The following HNRNPU variants were observed in gnomAD, a reference collection of about 807,000 sequenced individuals.
HNRNPU encodes the protein HNRNPU antisense RNA 1.
Under a neutral mutation model 94.7 loss-of-function variants are expected in HNRNPU, and 5 were observed. The observed-to-expected ratio is 0.05, with a 90% CI of 0.03 to 0.11. HNRNPU has a LOEUF of 0.11. Among genes scored for constraint, HNRNPU ranks in the 10% least tolerant of loss-of-function variants. HNRNPU has a pLI of 1.00. For missense variants in HNRNPU, 710 were observed against 1,049.2 expected (o/e 0.68, Z 4.47); for synonymous variants, 434 against 381.6 (o/e 1.14, Z -1.60).
intron 4 of HNRNPU, 74 bp from the exon 5 acceptor site, chr1:244,859,448 G>A (rs1680769204): frequency 1.4e-6 from 1 of 721,072 alleles, no homozygotes; most frequent in Non-Finnish European, 2.5e-6. Flanking sequence ...ATATTTCATT[G>A]CGCCACGGGC....
At chr1:244,862,395 T>TTA (rs528097252) in intron 3 of HNRNPU, 66 bp downstream of exon 3, 17 of 799,422 alleles carry the variant, frequency 2.1e-5, no homozygotes, top group Admixed American at 8.8e-5. Flanking sequence ...TTAAGACTTC[T>TTA]AAAAAAAAAA....
intron 7 of HNRNPU, 126 bp from the exon 8 acceptor site, chr1:244,857,843 GT>G: frequency 7.3e-7 from 1 of 1,374,554 alleles, no homozygotes; most frequent in Non-Finnish European, 9.9e-7. Context: ...ACAAAAATTT[GT>G]TTATGGAAAG....
In HNRNPU at chr1:244,864,225, T is replaced by C. The variant is rs200952460; in HGVS notation, c.83A>G (p.Lys28Arg). ...CTCCATGAGCTCGGCCTTGAGACCC[T>C]TGTCAGAAAGGCGTCGCTTCTTGAG... ...EELKKRRLSD[K>R]GLKAELMERL... The change falls in exon 1 of 14, where the codon AAG becomes AGG. Residue 28 changes from lysine to arginine, a missense_variant. Physicochemically the swap from Lys to Arg is conservative, Grantham distance 26. Transcript: ENST00000640218. The C allele has an allele frequency of 1.9e-4, 311 of 1,612,914 alleles. No homozygotes were observed. The highest frequency in any genetic ancestry group is 4.7e-4 in the East Asian group (21 of 44,860).
intron 3 of HNRNPU, 179 bp from the exon 4 acceptor site, chr1:244,860,653 G>A: frequency 1.7e-6 from 1 of 592,576 alleles, no homozygotes; most frequent in Non-Finnish European, 3.0e-6. Flanking sequence ...AGTCACTCCT[G>A]TTAAATTATG....
chr1:244,856,068 T>C lies in HNRNPU; in HGVS notation c.2003A>G (p.Gln668Arg). The C allele has an allele frequency of 2.5e-6, 4 of 1,614,132 alleles. No individual in the cohort carries two copies. Among genetic ancestry groups the C allele is most frequent in the Non-Finnish European group, 3.4e-6 (4 of 1,179,974 alleles). ...QKEEAQKLLE[Q>R]YKEESKKALP... ...AGCCTTTTTGCTTTCTTCCTTATAT[T>C]GCTCCAAGAGTTTTTGGGCTTCTTC... is the stretch of plus-strand genomic sequence containing the variant. Residue 668 changes from glutamine to arginine, a missense_variant, in exon 11 of 14, where the codon CAA (glutamine) becomes CGA (arginine). By Grantham distance (43) the Gln-to-Arg change is conservative. Around this residue, in one of 8 missense-constraint regions of HNRNPU, gnomAD observed 152 missense variants for 238.9 expected, o/e 0.64. Transcript: ENST00000640218.
chr1:244,858,021 T>C lies in HNRNPU; in HGVS notation c.1484A>G (p.Lys495Arg). The change falls in exon 7 of 14, where the codon AAA becomes AGA. Residue 495 changes from lysine to arginine, a missense_variant. Coordinates refer to ENST00000640218, the MANE Select transcript of HNRNPU (RefSeq NM_031844.3). ...AAAAAAATCCCTTACTTCACAATCT[T>C]TCTTCTCTTCAGGCCCCTTTGGTCC... ...VRGPKGPEEK[K>R]DCEVVMMIGL... The C allele has an allele frequency of 6.3e-7, 1 of 1,588,782 alleles. No individual in the cohort carries two copies. Among genetic ancestry groups the C allele is most frequent in the Non-Finnish European group, 8.5e-7 (1 of 1,172,052 alleles).
chr1:244,862,643 T>G lies in HNRNPU; in HGVS notation c.779A>C (p.Tyr260Ser), dbSNP rs1378829669. 1 of 1,613,538 alleles carries G rather than the reference T, an allele frequency of 6.2e-7. No individual in the cohort carries two copies. The highest frequency in any genetic ancestry group is 8.5e-7 in the Non-Finnish European group (1 of 1,179,554). The change falls in exon 2 of 14, where the codon TAC becomes TCC. Residue 260 changes from tyrosine (Y) to serine (S), a missense_variant. Tyr to Ser is a moderately radical substitution (Grantham distance 144). Transcript: ENST00000640218. The part of the protein sequence containing the change: ...REDHGRGYFE[Y>S]IEENKYSRAK... ...CCTGCTATACTTGTTCTCTTCAATG[T>G]ACTCAAAATATCCACGGCCATGATC... is the stretch of plus-strand genomic sequence containing the variant.
intron 4 of HNRNPU, 142 bp downstream of exon 4, chr1:244,860,193 G>C: frequency 1.6e-6 from 1 of 622,802 alleles, no homozygotes; most frequent in Non-Finnish European, 2.7e-6. Flanking sequence ...CGAGCTACTT[G>C]AGAGACTGAA....
At chr1:244,860,593 C>T (rs1573334044) in intron 3 of HNRNPU, 119 bp from the exon 4 acceptor site, 1 of 709,498 alleles carries the variant, frequency 1.4e-6, no homozygotes, top group East Asian at 2.9e-5. Context: ...CAACTTTTCT[C>T]CACATCATGC....
intron 8 of HNRNPU, chr1:244,857,201 A>G (rs1411418607): frequency 3.4e-5 from 8 of 232,028 alleles, no homozygotes; most frequent in Non-Finnish European, 5.8e-5. Context: ...AGAGACAAAG[A>G]CAAAAAGTTT....
Position 244,858,064 on chromosome 1 carries a change from A to T in HNRNPU, c.1441T>A (p.Leu481Ile), listed in dbSNP as rs930828143. Residue 481 changes from leucine to isoleucine, a missense_variant, in exon 7 of 14, where the codon TTA becomes ATA. By Grantham distance (5) the Leu-to-Ile change is conservative (BLOSUM62 2). Coordinates refer to ENST00000640218, the MANE Select transcript of HNRNPU (RefSeq NM_031844.3). ...EEYTFIQNVP[L>I]EDRVRGPKGP... ...TTTGGTCCTCTAACTCGATCCTCTA[A>T]GGGGACGTTCTGGATGAAAGTATAC... 1.9e-6 allele frequency: 3 copies of T among 1,613,940 alleles called. No individual in the cohort carries two copies. In the African/African-American group the frequency reaches 4.0e-5, roughly 22 times the overall value.
Position 244,862,457 on chromosome 1 carries a change from T to G in HNRNPU, c.877+4A>C. ...CATAATTGGGGAGAAACAGCTTCAC[T>G]TACAAGTATCAAGACAAACCACTGT... On this transcript the variant is annotated splice_donor_region_variant and intron_variant, in intron 3 of 13. Transcript: ENST00000640218. 1 of 1,584,230 alleles carries G rather than the reference T, an allele frequency of 6.3e-7. No homozygotes were observed. Among genetic ancestry groups the G allele is most frequent in the Non-Finnish European group, 8.6e-7 (1 of 1,156,386 alleles).
rs1680556749 is a variant in HNRNPU, at chr1:244,851,816, A to T, written c.*2634T>A. The T allele has an allele frequency of 6.6e-6, 1 of 152,170 alleles. No individual in the cohort carries two copies. The highest frequency in any genetic ancestry group is 2.4e-5 in the African/African-American group (1 of 41,432). 9.4% of individuals were successfully genotyped at this position (152,170 alleles called of 1,614,324 possible). On this transcript the variant is annotated 3_prime_UTR_variant, in exon 14 of 14. Coordinates refer to ENST00000640218, the MANE Select transcript of HNRNPU (RefSeq NM_031844.3). ...TATATGAGGGAAAACTTTCCACATAATTTTACATCATTTCTATCTCATAGC... is the reference window on the plus strand; with the variant it reads ...TATATGAGGGAAAACTTTCCACATATTTTTACATCATTTCTATCTCATAGC...
chr1:244,860,585 AC>A (rs1680800458), intron 3 of HNRNPU, 111 bp from the exon 4 acceptor site: 3 of 739,308 alleles, frequency 4.1e-6, no homozygotes, highest in Non-Finnish European at 6.6e-6. Flanking sequence ...ATGCTGCACA[AC>A]TTTTCTCCAC....
chr1:244,862,798 G>T, intron 1 of HNRNPU, 68 bp from the exon 2 acceptor site: 1 of 1,115,958 alleles, frequency 9.0e-7, no homozygotes, highest in Non-Finnish European at 1.4e-6. Flanking sequence ...TCCGTTCCGA[G>T]AACCAAAGCA....
At chr1:244,863,096 A>C (rs1264099305) in intron 1 of HNRNPU, 3 of 199,244 alleles carry the variant, frequency 1.5e-5, no homozygotes, top group African/African-American at 2.4e-5. Flanking sequence ...CATTGTACTG[A>C]TCTTCCGCCC....
rs868053969 is a variant in HNRNPU at position 244,863,422 on chromosome 1, G to A, written c.691+195C>T. Among the ~76,000 whole-genome samples, 1,191 of 128,332 alleles carry A rather than the reference G, an allele frequency of 9.3e-3. 11 individuals carry two copies. The highest frequency in any genetic ancestry group is 0.028 in the African/African-American group (997 of 35,420). 84.2% of individuals were successfully genotyped at this position (128,332 alleles called of 152,430 possible). The stretch of plus-strand genomic sequence containing the variant: ...CACACACACACACACACACACACAC[G>A]CGCGCGCGCACACACACGCCCCGAG... On this transcript the variant is annotated intron_variant, in intron 1 of 13. Coordinates refer to ENST00000640218, the MANE Select transcript of HNRNPU (RefSeq NM_031844.3).
chr1:244,854,626 C>G, intron 13 of HNRNPU, 123 bp from the exon 14 acceptor site: 1 of 693,762 alleles, frequency 1.4e-6, no homozygotes, highest in East Asian at 2.6e-5. Flanking sequence ...CCTGTCATAC[C>G]TCTGATTTCT....
chr1:244,852,711 A>G lies in HNRNPU; in HGVS notation c.*1739T>C, dbSNP rs551278595. ...ACCTAAACTCCAGCTTATAGCAAGA[A>G]AATTCCTTAGAAGTATGAATTCATA... On this transcript the variant is annotated 3_prime_UTR_variant, in exon 14 of 14. Coordinates refer to ENST00000640218, the MANE Select transcript of HNRNPU (RefSeq NM_031844.3). The G allele has an allele frequency of 6.6e-6, 1 of 152,228 alleles. No homozygotes were observed. The highest frequency in any genetic ancestry group is 1.5e-5 in the Non-Finnish European group (1 of 68,024). 9.4% of individuals were successfully genotyped at this position (152,228 alleles called of 1,614,324 possible).
Sources: gnomAD v4.1 joint callset for allele counts (sites outside exome capture counted in the v4.1 genomes callset) on GRCh38, gnomAD v4.1.1 for gene constraint, gnomAD v4.1.1 regional missense constraint, MANE v1.5 for transcripts, NCBI Gene and HGNC (gene_info 2026-07-23, HGNC 2026-07-21) for gene names.